INTS2: variants seen among roughly 807,000 people sequenced by gnomAD.
INTS2 encodes the protein KIAA1287.
INTS2 carries 57 observed loss-of-function variants against 139.6 expected under a neutral mutation model. The ratio of observed to expected loss-of-function variants is 0.41; its 90% confidence interval spans 0.33 to 0.51. The LOEUF (loss-of-function observed/expected upper bound fraction) is 0.51, where lower values mean the gene tolerates loss of function less well. INTS2 is among the 20% of genes least tolerant of loss of function. The probability of loss-of-function intolerance (pLI) is 0.28; values close to 1 mark genes in which losing one functional copy is unlikely to be tolerated. For synonymous variants in INTS2, 473 were observed against 493.4 expected, an observed-to-expected ratio of 0.96 and a Z score of 0.55; for missense variants, 1,196 against 1,436.7, an observed-to-expected ratio of 0.83 and a Z score of 2.71.
At chr17:61,877,212 G>A (rs1309407446) in intron 18 of INTS2, among the ~76,000 whole-genome samples, 4 of 152,090 alleles carry the variant, frequency 2.6e-5, no homozygotes, top group African/African-American at 4.8e-5. Context: ...GATATATGGG[G>A]AGGATATAAA....
intron 9 of INTS2, among the ~76,000 whole-genome samples, chr17:61,902,508 G>A (rs2079416764): frequency 1.3e-5 from 2 of 151,954 alleles, no homozygotes; most frequent in South Asian, 2.1e-4. Context: ...GTGGTTTTTA[G>A]TGTATATACA....
At chr17:61,890,983 C>CAAAAAAA (rs753902456) in intron 14 of INTS2, among the ~76,000 whole-genome samples, 1 of 11,344 alleles carries the variant, frequency 8.8e-5, no homozygotes, top group Non-Finnish European at 1.6e-4. Flanking sequence ...ACTCCAGTCT[C>CAAAAAAA]AAAAAAAAAA....
At chr17:61,914,525 G>T (rs775512324) in intron 5 of INTS2, among the ~76,000 whole-genome samples, 11 of 151,826 alleles carry the variant, frequency 7.2e-5, no homozygotes, top group South Asian at 2.1e-4. Context: ...CGGTGAAACC[G>T]TGTTACTACT....
chr17:61,912,753 T>C (rs2079540713), intron 5 of INTS2, among the ~76,000 whole-genome samples: 1 of 151,924 alleles, frequency 6.6e-6, no homozygotes. Context: ...ATACGTCAAC[T>C]TTCTGAAACC....
At position 61,873,771 on chromosome 17, in the gene INTS2, T is replaced by C. The variant is rs994248601; in HGVS notation, c.2582+1142A>G. Among the ~76,000 whole-genome samples the C allele has an allele frequency of 6.6e-6, 1 of 152,208 alleles. No homozygotes were observed. Among genetic ancestry groups the C allele is most frequent in the East Asian group, 1.9e-4 (1 of 5,198 alleles). ...CAGACAAGTTTAAATATCAAGTGTGTCCTATTTAGTCTTCCTTACTAGTTT... is the reference window on the plus strand; with the variant it reads ...CAGACAAGTTTAAATATCAAGTGTGCCCTATTTAGTCTTCCTTACTAGTTT... On this transcript the variant is annotated intron_variant, in intron 19 of 24. Transcript: ENST00000251334. The surrounding 1 kb of genome is among the most constrained non-coding windows in gnomAD (Gnocchi z 4.0).
At position 61,873,018 on chromosome 17, in the gene INTS2, A is replaced by G. The variant is rs2079101277; in HGVS notation, c.2583-558T>C. The stretch of plus-strand genomic sequence containing the variant: ...AACCAGTTCAGCCTTTCTACATAGT[A>G]GAATGAAAATCTGAATTAAAAGTCT... On this transcript the variant is annotated intron_variant, in intron 19 of 24. Coordinates refer to ENST00000251334, the MANE Select transcript of INTS2 (RefSeq NM_001351695.2). This position sits in a 1 kb window ranked among gnomAD's most constrained non-coding sequence, Gnocchi z 4.0. 6.6e-6 allele frequency among the ~76,000 whole-genome samples: 1 copy of G among 152,246 alleles called. No individual in the cohort carries two copies. The highest frequency in any genetic ancestry group is 1.5e-5 in the Non-Finnish European group (1 of 68,042).
chr17:61,913,382 G>GA (rs796389508), intron 5 of INTS2, among the ~76,000 whole-genome samples: 113 of 121,828 alleles, frequency 9.3e-4, no homozygotes, highest in Non-Finnish European at 1.2e-3. Context: ...AGAAATTAAA[G>GA]AAAAAAAAAA....
intron 7 of INTS2, chr17:61,910,880 T>C (rs929680724): frequency 1.3e-5 from 2 of 152,198 alleles, no homozygotes; most frequent in African/African-American, 4.8e-5. Context: ...CTCAAGACAT[T>C]ATCTGTCTTT....
intron 7 of INTS2, among the ~76,000 whole-genome samples, chr17:61,908,524 A>G (rs1358879192): frequency 6.6e-6 from 1 of 152,206 alleles, no homozygotes; most frequent in Non-Finnish European, 1.5e-5. Flanking sequence ...CCTAACATAC[A>G]GCAAGCACTC....
intron 9 of INTS2, among the ~76,000 whole-genome samples, chr17:61,904,121 T>C (rs550610716): frequency 7.6e-4 from 116 of 152,278 alleles, no homozygotes; most frequent in Non-Finnish European, 1.3e-3. Context: ...ATGAATCAGA[T>C]GCTACTGATA....
In INTS2 at chr17:61,882,666, T is replaced by C. The variant is rs1454844655; in HGVS notation, c.2090-1495A>G. On this transcript the variant is annotated intron_variant, in intron 16 of 24. Coordinates refer to ENST00000251334, the MANE Select transcript of INTS2 (RefSeq NM_001351695.2). This position sits in a 1 kb window ranked among gnomAD's most constrained non-coding sequence, Gnocchi z 4.7. ...ATTGCTTGAACCTGGGACGTGGAGG[T>C]TGCAGTGAGCCAAGATCATGCCATT... is the stretch of plus-strand genomic sequence containing the variant. Among the ~76,000 whole-genome samples the C allele has an allele frequency of 6.6e-6, 1 of 151,944 alleles. No individual in the cohort carries two copies. Among genetic ancestry groups the C allele is most frequent in the Non-Finnish European group, 1.5e-5 (1 of 67,974 alleles).
chr17:61,886,911 T>C (rs1942612822), intron 15 of INTS2, among the ~76,000 whole-genome samples: 4 of 152,192 alleles, frequency 2.6e-5, no homozygotes, highest in Admixed American at 2.6e-4. Context: ...ATATATACCA[T>C]ATACTCTCAT....
Position 61,927,634 on chromosome 17 carries a change from G to T in INTS2, c.-19+20C>A. ...CGGACCTAGGAACGCGCTGAGGCCA[G>T]AGAAGCGGACGCTTCATACCTTAAG... On this transcript the variant is annotated intron_variant, in intron 1 of 24. Coordinates refer to ENST00000251334, the MANE Select transcript of INTS2 (RefSeq NM_001351695.2). The T allele has an allele frequency of 7.4e-7, 1 of 1,342,328 alleles. No individual in the cohort carries two copies. The allele number at this position is 1,342,328 out of a possible 1,614,324, so 83.2% of individuals were successfully genotyped here.
chr17:61,874,856 C>A, intron 19 of INTS2, 57 bp downstream of exon 19: 1 of 1,333,516 alleles, frequency 7.5e-7, no homozygotes, highest in East Asian at 2.8e-5. Context: ...TCATCAATTT[C>A]TTTTGACTCT....
intron 15 of INTS2, among the ~76,000 whole-genome samples, chr17:61,887,323 A>G (rs2079238570): frequency 6.6e-6 from 1 of 151,986 alleles, no homozygotes; most frequent in Non-Finnish European, 1.5e-5. Context: ...TCTCTACTAA[A>G]AATACAAAAT....
intron 5 of INTS2, among the ~76,000 whole-genome samples, chr17:61,918,315 C>T (rs937581078): frequency 1.1e-4 from 17 of 152,170 alleles, no homozygotes; most frequent in African/African-American, 3.6e-4. Flanking sequence ...CATATCGGCT[C>T]GCTGCAACCT....
intron 3 of INTS2, among the ~76,000 whole-genome samples, chr17:61,924,440 G>C (rs1412186845): frequency 6.6e-6 from 1 of 152,114 alleles, no homozygotes; most frequent in East Asian, 1.9e-4. Context: ...GTATAAATGA[G>C]AGAAAATGAT....
intron 15 of INTS2, among the ~76,000 whole-genome samples, chr17:61,885,986 C>T (rs897845402): frequency 6.6e-6 from 1 of 152,016 alleles, no homozygotes; most frequent in African/African-American, 2.4e-5. Flanking sequence ...CCTTGGCCTC[C>T]CAAACTGCTG....
intron 4 of INTS2, 78 bp from the exon 5 acceptor site, chr17:61,919,591 T>C: frequency 1.3e-6 from 1 of 747,862 alleles, no homozygotes; most frequent in Admixed American, 2.4e-5. Context: ...TTTTATTTTC[T>C]GTGGAGACTG....
Sources: allele counts gnomAD v4.1 joint callset (sites outside exome capture counted in the v4.1 genomes callset), GRCh38; gene constraint gnomAD v4.1.1; non-coding constraint Gnocchi (gnomAD v3.1); transcripts MANE v1.5; gene names NCBI Gene and HGNC (gene_info 2026-07-23, HGNC 2026-07-21).